Variants in PIK3R4 observed in about 807,000 individuals in gnomAD.
PIK3R4 encodes phosphoinositide-3-kinase regulatory subunit 4, also known as phosphoinositide 3-kinase regulatory subunit 4.
PIK3R4 carries 46 observed loss-of-function variants against 136.5 expected under a neutral mutation model. The ratio of observed to expected loss-of-function variants is 0.34; its 90% CI spans 0.27 to 0.43. The LOEUF is 0.43. PIK3R4 is among the 20% of genes least tolerant of loss of function. PIK3R4 has a pLI of 1.00. For missense variants in PIK3R4, 1,331 were observed against 1,649.5 expected (o/e 0.81, Z 3.35); for synonymous variants, 557 against 566.7 (o/e 0.98, Z 0.24).
chr3:130,719,407 T>C (rs1286796590), intron 7 of PIK3R4, among the ~76,000 whole-genome samples: 2 of 152,096 alleles, frequency 1.3e-5, no homozygotes, highest in African/African-American at 2.4e-5. Context: ...AATAGAGAAA[T>C]AGGAATACAA....
At chr3:130,720,979 G>A (rs1251920174) in intron 7 of PIK3R4, among the ~76,000 whole-genome samples, 1 of 152,122 alleles carries the variant, frequency 6.6e-6, no homozygotes, top group East Asian at 1.9e-4. Flanking sequence ...CCAGGCTGCA[G>A]TAAGCTGTGA....
At chr3:130,696,370 T>C (rs2066546618) in intron 13 of PIK3R4, among the ~76,000 whole-genome samples, 1 of 152,132 alleles carries the variant, frequency 6.6e-6, no homozygotes, top group Non-Finnish European at 1.5e-5. Context: ...ATTTGGGATC[T>C]TTCTTCTTTT....
In PIK3R4 at chr3:130,730,346, A is replaced by T; in HGVS notation, c.1547T>A (p.Ile516Lys). The T allele has an allele frequency of 6.3e-7, 1 of 1,597,318 alleles. No individual in the cohort carries two copies. The highest frequency in any genetic ancestry group is 8.5e-7 in the Non-Finnish European group (1 of 1,172,788). ...NMENDPNNEE[I>K]DEVTHPNGNY... is the part of the protein sequence containing the mutation. ...TCCATTTGGATGTGTAACCTCATCT[A>T]TTTCTTCATTATTGGGGTCATTTTC... The change falls in exon 5 of 20, where the codon ATA becomes AAA. Residue 516 changes from isoleucine (I) to lysine (K), a missense_variant. This residue lies in a region of PIK3R4 where 1,180 missense variants were observed against 1,407.0 expected (regional missense o/e 0.84). Transcript: ENST00000356763.
intron 13 of PIK3R4, among the ~76,000 whole-genome samples, chr3:130,691,861 T>C (rs1436927155): frequency 6.7e-6 from 1 of 149,434 alleles, no homozygotes; most frequent in Non-Finnish European, 1.5e-5. Flanking sequence ...TCAGTATCTC[T>C]CTCTAGTTTT....
At chr3:130,724,816 T>C (rs2066722625) in intron 6 of PIK3R4, among the ~76,000 whole-genome samples, 1 of 151,920 alleles carries the variant, frequency 6.6e-6, no homozygotes, top group Non-Finnish European at 1.5e-5. Context: ...TAAATCTTCA[T>C]CTGGCACAGA....
intron 11 of PIK3R4, 72 bp from the exon 12 acceptor site, chr3:130,705,843 GT>G (rs2066603536): frequency 8.9e-6 from 7 of 786,608 alleles, no homozygotes; most frequent in Non-Finnish European, 1.2e-5. Context: ...GTGTATGCAT[GT>G]TTTTATCTAT....
intron 3 of PIK3R4, among the ~76,000 whole-genome samples, chr3:130,735,103 C>T (rs564549318): frequency 6.6e-6 from 1 of 152,328 alleles, no homozygotes; most frequent in East Asian, 1.9e-4. Context: ...ACCAACTCCT[C>T]ATCCAGTGCA....
intron 2 of PIK3R4, among the ~76,000 whole-genome samples, chr3:130,743,202 G>A (rs1484587237): frequency 6.6e-6 from 1 of 151,834 alleles, no homozygotes; most frequent in Non-Finnish European, 1.5e-5. Context: ...CTTGAGCTCA[G>A]GCGTTCAGGA....
At chr3:130,684,731 A>T (rs1487639342) in intron 15 of PIK3R4, among the ~76,000 whole-genome samples, 1 of 152,242 alleles carries the variant, frequency 6.6e-6, no homozygotes, top group Non-Finnish European at 1.5e-5. Flanking sequence ...CAAAATGTTC[A>T]GATTGCCTTA....
chr3:130,725,487 A>C (rs1014089579), intron 6 of PIK3R4, among the ~76,000 whole-genome samples: 1 of 151,964 alleles, frequency 6.6e-6, no homozygotes, highest in Admixed American at 6.5e-5. Context: ...TTAAACAGTT[A>C]AGTGTAAAAA....
chr3:130,722,218 C>T (rs1393310891), intron 7 of PIK3R4, among the ~76,000 whole-genome samples: 7 of 152,074 alleles, frequency 4.6e-5, no homozygotes, highest in Non-Finnish European at 8.8e-5. Flanking sequence ...TTCTTGGTAA[C>T]GTGTTTTTTT....
intron 3 of PIK3R4, among the ~76,000 whole-genome samples, chr3:130,734,874 GT>G (rs1213478594): frequency 6.6e-5 from 10 of 152,110 alleles, no homozygotes; most frequent in African/African-American, 2.4e-4. Context: ...TGAACTTTCT[GT>G]TTACAGTTTA....
rs760046412 is a variant in PIK3R4 at position 130,734,100 on chromosome 3, T to C, written c.898A>G (p.Lys300Glu). 62 of 1,613,500 alleles carry C rather than the reference T, an allele frequency of 3.8e-5. No individual in the cohort carries two copies. Among genetic ancestry groups the C allele is most frequent in the Admixed American group, 1.8e-4 (11 of 59,926 alleles). Residue 300 changes from lysine to glutamate, a missense_variant, in exon 4 of 20, where the codon AAA becomes GAA. Physicochemically the swap from Lys to Glu is moderately conservative, Grantham distance 56. Transcript: ENST00000356763. ...AAGTAATCTTCTGCCTCTAAACGTT[T>C]ATCTGGCTCACGGTGAATCATCTGA... ...VTQMIHREPD[K>E]RLEAEDYLKQ...
In PIK3R4 at chr3:130,733,632, T is replaced by A; in HGVS notation, c.1366A>T (p.Ile456Phe). 1 of 1,614,098 alleles carries A rather than the reference T, an allele frequency of 6.2e-7. No homozygotes were observed. Among genetic ancestry groups the A allele is most frequent in the Non-Finnish European group, 8.5e-7 (1 of 1,179,922 alleles). The change falls in exon 4 of 20, where the codon ATC becomes TTC. Residue 456 changes from isoleucine (I) to phenylalanine (F), a missense_variant. Transcript: ENST00000356763. ...AGAATGTATTCCGGATAAATATTGA[T>A]ATCATTACGAGGAACCTCTTTGACG... ...ALVKEVPRND[I>F]NIYPEYILPG... is the part of the protein sequence containing the mutation.
intron 2 of PIK3R4, among the ~76,000 whole-genome samples, chr3:130,741,082 C>A (rs2066820878): frequency 6.6e-6 from 1 of 152,144 alleles, no homozygotes; most frequent in Non-Finnish European, 1.5e-5. Context: ...AATTGTGTGT[C>A]AAGTGCCCCC....
chr3:130,735,243 A>G (rs989545831), intron 3 of PIK3R4, among the ~76,000 whole-genome samples: 1 of 152,218 alleles, frequency 6.6e-6, no homozygotes, highest in Non-Finnish European at 1.5e-5. Flanking sequence ...TAAACACACC[A>G]CAATCTTTTC....
At chr3:130,684,810 A>G (rs2066480375) in intron 15 of PIK3R4, among the ~76,000 whole-genome samples, 1 of 152,236 alleles carries the variant, frequency 6.6e-6, no homozygotes, top group African/African-American at 2.4e-5. Context: ...GCAGCTTTGT[A>G]GCTATCATCA....
At chr3:130,717,620 C>T (rs2066673028) in intron 8 of PIK3R4, among the ~76,000 whole-genome samples, 1 of 151,912 alleles carries the variant, frequency 6.6e-6, no homozygotes, top group Non-Finnish European at 1.5e-5. Context: ...AAGGTATAAC[C>T]AAAGCTTCCT....
chr3:130,679,208 G>T lies in PIK3R4; in HGVS notation c.*107C>A. 1 of 630,052 alleles carries T rather than the reference G, an allele frequency of 1.6e-6. No homozygotes were observed. The highest frequency in any genetic ancestry group is 2.5e-6 in the Non-Finnish European group (1 of 397,404). The allele number at this position is 630,052 out of a possible 1,614,324, so 39.0% of individuals were successfully genotyped here. ...GTCAGTCATGAAACAGTAATATGGA[G>T]ACATAATTTTGAAAATTAAGCAAAT... On this transcript the variant is annotated 3_prime_UTR_variant, in exon 20 of 20. Transcript: ENST00000356763.
Sources: gnomAD v4.1 joint callset for allele counts (sites outside exome capture counted in the v4.1 genomes callset) on GRCh38, gnomAD v4.1.1 for gene constraint, gnomAD v4.1.1 regional missense constraint, MANE v1.5 for transcripts, NCBI Gene and HGNC (gene_info 2026-07-23, HGNC 2026-07-21) for gene names.